STK39: variants seen among roughly 807,000 people sequenced by gnomAD.
The protein encoded by STK39 is serine/threonine kinase 39.
Under a neutral mutation model 77.8 loss-of-function variants are expected in STK39, and 20 were observed. The observed-to-expected ratio is 0.26, with a 90% CI of 0.18 to 0.37. The LOEUF is 0.37. Among genes scored for constraint, STK39 ranks in the 10% least tolerant of loss-of-function variants. The pLI, the probability that STK39 is intolerant of heterozygous loss-of-function variation, is 1.00. For synonymous variants in STK39, 246 were observed against 234.1 expected, an observed-to-expected ratio of 1.05 and a Z score of -0.47; for missense variants, 479 against 656.5, an observed-to-expected ratio of 0.73 and a Z score of 2.95.
At chr2:168,080,165 A>G (rs1215530118) in intron 10 of STK39, among the ~76,000 whole-genome samples, 1 of 152,198 alleles carries the variant, frequency 6.6e-6, no homozygotes, top group Non-Finnish European at 1.5e-5. Flanking sequence ...TTTTGGCCCT[A>G]CAGATTGGTA....
intron 14 of STK39, among the ~76,000 whole-genome samples, chr2:168,034,529 C>A (rs898264698): frequency 6.6e-6 from 1 of 152,144 alleles, no homozygotes; most frequent in African/African-American, 2.4e-5. Flanking sequence ...GGCTGGCCAC[C>A]ATTGCTGGTA....
chr2:168,121,742 T>A (rs921673928), intron 10 of STK39, among the ~76,000 whole-genome samples: 2 of 152,162 alleles, frequency 1.3e-5, no homozygotes, highest in African/African-American at 4.8e-5. Context: ...ATAATCATTC[T>A]CCTTATTTAC....
chr2:168,003,351 G>A (rs912465542), intron 16 of STK39, among the ~76,000 whole-genome samples: 7 of 152,078 alleles, frequency 4.6e-5, no homozygotes, highest in Admixed American at 1.3e-4. Context: ...TTTACAACAC[G>A]GATGATACTT....
At chr2:168,046,674 C>T (rs568382931) in intron 14 of STK39, among the ~76,000 whole-genome samples, 2 of 152,352 alleles carry the variant, frequency 1.3e-5, no homozygotes, top group East Asian at 3.9e-4. Flanking sequence ...TCAGAGGACA[C>T]TGGCAGCCAG....
At chr2:168,158,494 A>G (rs1016639616) in intron 5 of STK39, among the ~76,000 whole-genome samples, 2 of 152,164 alleles carry the variant, frequency 1.3e-5, no homozygotes, top group East Asian at 1.9e-4. Context: ...CCCTGGCCCA[A>G]AGGGGAATCG....
chr2:168,188,360 A>G (rs1293513044), intron 1 of STK39, among the ~76,000 whole-genome samples: 1 of 152,224 alleles, frequency 6.6e-6, no homozygotes, highest in African/African-American at 2.4e-5. Flanking sequence ...TGGCATAGCA[A>G]GACAGTCAGA....
At chr2:168,143,843 CTT>C (rs1688060303) in intron 5 of STK39, among the ~76,000 whole-genome samples, 1 of 152,172 alleles carries the variant, frequency 6.6e-6, no homozygotes, top group Non-Finnish European at 1.5e-5. Flanking sequence ...GAATGACTTA[CTT>C]TTTATTCCCT....
intron 14 of STK39, among the ~76,000 whole-genome samples, chr2:168,017,933 G>T (rs1256564334): frequency 6.6e-6 from 1 of 151,788 alleles, no homozygotes; most frequent in African/African-American, 2.4e-5. Context: ...GCAACATTTT[G>T]CCCCATGAAT....
chr2:168,230,206 C>T (rs1206876015), intron 1 of STK39, among the ~76,000 whole-genome samples: 3 of 152,140 alleles, frequency 2.0e-5, no homozygotes, highest in African/African-American at 7.2e-5. Context: ...ACCACTCCTC[C>T]CAAAAAGTAG....
chr2:168,126,800 T>A (rs1290745604), intron 10 of STK39, among the ~76,000 whole-genome samples: 1 of 152,192 alleles, frequency 6.6e-6, no homozygotes, highest in African/African-American at 2.4e-5. Context: ...ATAACCCAAT[T>A]GCTCATTAAA....
At chr2:168,103,381 C>T (rs1686886771) in intron 10 of STK39, among the ~76,000 whole-genome samples, 1 of 152,176 alleles carries the variant, frequency 6.6e-6, no homozygotes, top group South Asian at 2.1e-4. Flanking sequence ...AAAATGTTTT[C>T]AAGTAGGCTT....
At chr2:168,224,553 AAT>A (rs1690257311) in intron 1 of STK39, among the ~76,000 whole-genome samples, 2 of 151,794 alleles carry the variant, frequency 1.3e-5, no homozygotes, top group African/African-American at 4.9e-5. Flanking sequence ...AAAGCAATCA[AAT>A]AGAGATTAAC....
In STK39 at chr2:168,242,582, T is replaced by A. The variant is rs1224304390; in HGVS notation, c.208+4646A>T. Reference sequence around the variant, plus strand: ...AAAAATATATATATATATATATATATATATATATATATATAAAGAGGCCAG... The same window carrying A: ...AAAAATATATATATATATATATATAAATATATATATATATAAAGAGGCCAG... On this transcript the variant is annotated intron_variant, in intron 1 of 17. Coordinates refer to ENST00000355999, the MANE Select transcript of STK39 (RefSeq NM_013233.3). 2.5e-3 allele frequency among the ~76,000 whole-genome samples: 236 copies of A among 95,132 alleles called. 12 individuals carry two copies. The East Asian group carries it at 0.056, about 23-fold the overall frequency. 62.4% of individuals were successfully genotyped at this position (95,132 alleles called of 152,430 possible).
intron 10 of STK39, among the ~76,000 whole-genome samples, chr2:168,128,229 A>T (rs1488040093): frequency 6.6e-6 from 1 of 152,166 alleles, no homozygotes; most frequent in African/African-American, 2.4e-5. Flanking sequence ...GTACTATATA[A>T]GCTAATGGCT....
At chr2:168,211,710 T>A (rs1241887057) in intron 1 of STK39, among the ~76,000 whole-genome samples, 1 of 152,182 alleles carries the variant, frequency 6.6e-6, no homozygotes, top group East Asian at 1.9e-4. Flanking sequence ...TCTGAGGAGC[T>A]CATGAGAGGA....
At chr2:168,137,884 C>T (rs571064020) in intron 8 of STK39, among the ~76,000 whole-genome samples, 69 of 152,352 alleles carry the variant, frequency 4.5e-4, no homozygotes, top group African/African-American at 1.6e-3. Flanking sequence ...TTTTCCTCTG[C>T]CTCTCCTTCG....
intron 7 of STK39, among the ~76,000 whole-genome samples, 162 bp from the exon 8 acceptor site, chr2:168,138,383 C>T (rs1440964511): frequency 1.3e-5 from 2 of 152,210 alleles, no homozygotes; most frequent in Non-Finnish European, 2.9e-5. Context: ...GTATTCATTA[C>T]CACTGCAAAT....
chr2:168,206,387 G>A (rs984176393), intron 1 of STK39, among the ~76,000 whole-genome samples: 6 of 150,784 alleles, frequency 4.0e-5, no homozygotes, highest in Non-Finnish European at 8.8e-5. Context: ...CGCAACCTGC[G>A]CCTCCTGGAT....
rs114686416 is a variant in STK39 at position 168,117,353 on chromosome 2, T to C, written c.1089+12188A>G. Among the ~76,000 whole-genome samples the C allele has an allele frequency of 7.1e-3, 1,074 of 152,296 alleles. 15 individuals are homozygous for C. The highest frequency in any genetic ancestry group is 0.024 in the African/African-American group (999 of 41,556). On this transcript the variant is annotated intron_variant, in intron 10 of 17. Transcript: ENST00000355999. ...CCAGCTCCCATGAAGACGATCCTCA[T>C]CACCATCTTGCTTGCTAAACTTCAA... is the stretch of plus-strand genomic sequence containing the variant.
Sources: allele counts gnomAD v4.1 joint callset (sites outside exome capture counted in the v4.1 genomes callset), GRCh38; gene constraint gnomAD v4.1.1; transcripts MANE v1.5; gene names NCBI Gene and HGNC (gene_info 2026-07-23, HGNC 2026-07-21).